The following DPP6 variants were observed in gnomAD, a reference collection of about 807,000 sequenced individuals.
The protein encoded by DPP6 is dipeptidyl peptidase like 6, also known as A-type potassium channel modulatory protein DPP6.
Under a neutral mutation model 122.6 loss-of-function variants are expected in DPP6, and 69 were observed. That is an observed-to-expected ratio of 0.56 (90% confidence interval 0.46 to 0.69). The LOEUF (loss-of-function observed/expected upper bound fraction) is 0.69, where lower values mean the gene tolerates loss of function less well. Ranked by LOEUF, DPP6 falls within the 30% of genes least tolerant of loss-of-function variation. The pLI is 0.00. For missense variants in DPP6, 928 were observed against 1,116.9 expected (o/e 0.83, Z 2.41); for synonymous variants, 418 against 433.1 (o/e 0.97, Z 0.43).
At chr7:154,104,992 G>GT (rs1332278559) in intron 1 of DPP6, among the ~76,000 whole-genome samples, 1 of 152,232 alleles carries the variant, frequency 6.6e-6, no homozygotes, top group Non-Finnish European at 1.5e-5. Context: ...GCTGGGAGTG[G>GT]TGGCACACGC....
chr7:154,721,468 T>C (rs1841805137), intron 7 of DPP6, among the ~76,000 whole-genome samples: 1 of 152,194 alleles, frequency 6.6e-6, no homozygotes, highest in African/African-American at 2.4e-5. Flanking sequence ...TAAAGCACTT[T>C]CGAAGTGTCT....
chr7:153,783,190 G>A, the DPP6 span, among the ~76,000 whole-genome samples: 24 of 152,188 alleles, frequency 1.6e-4, 1 homozygote, highest in African/African-American at 4.6e-4. Flanking sequence ...CTGTTCTCAC[G>A]CTGCTATGAA....
intron 1 of DPP6, among the ~76,000 whole-genome samples, chr7:154,366,350 C>A (rs1054370840): frequency 1.3e-5 from 2 of 152,202 alleles, no homozygotes; most frequent in Non-Finnish European, 2.9e-5. Flanking sequence ...CAACCAAATA[C>A]CCCTCCCATC....
At chr7:154,537,700 AAAAG>A (rs1432500267) in intron 3 of DPP6, among the ~76,000 whole-genome samples, 1 of 151,526 alleles carries the variant, frequency 6.6e-6, no homozygotes, top group Non-Finnish European at 1.5e-5. Context: ...AAAAAATAAA[AAAAG>A]AAAGGAAGGA....
chr7:154,111,708 C>T (rs1381710586), intron 1 of DPP6, among the ~76,000 whole-genome samples: 3 of 150,500 alleles, frequency 2.0e-5, no homozygotes, highest in Non-Finnish European at 4.4e-5. Flanking sequence ...CTCTTCTGAT[C>T]TATAATCTCT....
intron 1 of DPP6, among the ~76,000 whole-genome samples, chr7:154,431,866 A>G (rs1225840733): frequency 1.3e-5 from 2 of 151,930 alleles, no homozygotes; most frequent in Non-Finnish European, 2.9e-5. Context: ...ACTTCCTTGG[A>G]ATTGGTATTC....
chr7:154,826,598 T>C (rs539650259), intron 16 of DPP6, among the ~76,000 whole-genome samples: 2 of 152,258 alleles, frequency 1.3e-5, no homozygotes, highest in African/African-American at 4.8e-5. Context: ...AAATCAAACA[T>C]GGAACAACAA....
At chr7:154,466,703 C>G (rs143642816) in intron 2 of DPP6, among the ~76,000 whole-genome samples, 1 of 152,190 alleles carries the variant, frequency 6.6e-6, no homozygotes, top group Admixed American at 6.5e-5. Flanking sequence ...TTTGTTGGTA[C>G]GTACAATTCA....
chr7:154,795,726 G>A (rs1010922904), intron 11 of DPP6, 119 bp from the exon 12 acceptor site: 36 of 1,387,432 alleles, frequency 2.6e-5, no homozygotes, highest in South Asian at 6.6e-5. Context: ...CTTGTGCAGC[G>A]GCCATGTAGG....
chr7:154,360,696 C>G (rs1415768740), intron 1 of DPP6, among the ~76,000 whole-genome samples: 1 of 152,152 alleles, frequency 6.6e-6, no homozygotes, highest in Non-Finnish European at 1.5e-5. Context: ...TCTAAGTGAC[C>G]AGCATGTGTG....
intron 1 of DPP6, among the ~76,000 whole-genome samples, chr7:153,936,622 C>A (rs1015104383): frequency 1.3e-5 from 2 of 151,162 alleles, no homozygotes; most frequent in African/African-American, 4.9e-5. Flanking sequence ...CTGGCTAACA[C>A]GGTGAAACCC....
At chr7:154,744,695 C>G (rs1217606828) in intron 8 of DPP6, among the ~76,000 whole-genome samples, 1 of 152,310 alleles carries the variant, frequency 6.6e-6, no homozygotes, top group East Asian at 1.9e-4. Flanking sequence ...AAAAAGGCAA[C>G]AGATGCAAGC....
intron 8 of DPP6, among the ~76,000 whole-genome samples, chr7:154,749,368 A>AGG (rs1191570582): frequency 3.4e-4 from 30 of 87,590 alleles, no homozygotes; most frequent in African/African-American, 7.5e-4. Context: ...AGAGAGGGTG[A>AGG]GAGCATAGGA....
At chr7:154,631,909 G>A (rs953339603) in intron 5 of DPP6, among the ~76,000 whole-genome samples, 2 of 152,146 alleles carry the variant, frequency 1.3e-5, no homozygotes, top group Admixed American at 6.5e-5. Flanking sequence ...GTTTCAAAAC[G>A]TCAGCCGGAT....
At chr7:154,553,690 A>C (rs954409813) in intron 4 of DPP6, among the ~76,000 whole-genome samples, 1 of 152,184 alleles carries the variant, frequency 6.6e-6, no homozygotes, top group Non-Finnish European at 1.5e-5. Flanking sequence ...TCTAGACTGC[A>C]TACATAATCC....
rs1554566664 is a variant in DPP6, at chr7:154,486,141, G to GC, written c.457+11104_457+11105insC. Among the ~76,000 whole-genome samples the GC allele has an allele frequency of 6.8e-6, 1 of 146,862 alleles. No individual in the cohort carries two copies. The highest frequency in any genetic ancestry group is 2.5e-5 in the African/African-American group (1 of 39,960). ...CACCCCTACTCATGGCCTCTATTTT[G>GC]TTTTTTTTTTGAGATGGAGTCTCAC... is the stretch of plus-strand genomic sequence containing the variant. On this transcript the variant is annotated intron_variant, in intron 3 of 25. Transcript: ENST00000377770. This position sits in a 1 kb window ranked among gnomAD's most constrained non-coding sequence, Gnocchi z 4.5.
At chr7:154,507,795 A>C (rs1274463044) in intron 3 of DPP6, among the ~76,000 whole-genome samples, 1 of 152,152 alleles carries the variant, frequency 6.6e-6, no homozygotes, top group East Asian at 1.9e-4. Flanking sequence ...TTAGTGAGGA[A>C]GCCAGTGATG....
At chr7:154,448,410 A>C (rs566555005) in intron 2 of DPP6, among the ~76,000 whole-genome samples, 73 of 152,322 alleles carry the variant, frequency 4.8e-4, no homozygotes, top group Non-Finnish European at 8.2e-4. Flanking sequence ...AAACTACAAA[A>C]CAAAATGGAA....
In DPP6 at chr7:154,313,141, A is replaced by G. The variant is rs147790385; in HGVS notation, c.244-133073A>G. On this transcript the variant is annotated intron_variant, in intron 1 of 25. Transcript: ENST00000377770. ...CTGCCTAATATCCCATCCACTTATTAGACAGATATTGGATCCAAGGAAGAT... is the reference window on the plus strand; with the variant it reads ...CTGCCTAATATCCCATCCACTTATTGGACAGATATTGGATCCAAGGAAGAT... Among the ~76,000 whole-genome samples, 245 of 152,290 alleles carry G rather than the reference A, an allele frequency of 1.6e-3. 1 individual carries two copies. Among genetic ancestry groups the G allele is most frequent in the African/African-American group, 5.5e-3 (227 of 41,562 alleles).
Sources: allele counts gnomAD v4.1 joint callset (sites outside exome capture counted in the v4.1 genomes callset), GRCh38; gene constraint gnomAD v4.1.1; non-coding constraint Gnocchi (gnomAD v3.1); transcripts MANE v1.5; gene names NCBI Gene and HGNC (gene_info 2026-07-23, HGNC 2026-07-21).